The following PACSIN2 variants were observed in gnomAD, a reference collection of about 807,000 sequenced individuals.
PACSIN2 encodes protein kinase C and casein kinase substrate in neurons 2, also known as protein kinase C and casein kinase substrate in neurons protein 2.
PACSIN2 carries 25 observed loss-of-function variants against 63.8 expected under a neutral mutation model. The observed-to-expected ratio is 0.39, with a 90% CI of 0.29 to 0.55. The LOEUF (loss-of-function observed/expected upper bound fraction) is 0.55. Among genes scored for constraint, PACSIN2 ranks in the 20% least tolerant of loss-of-function variants. The probability of loss-of-function intolerance (pLI) is 0.62; values close to 1 mark genes in which losing one functional copy is unlikely to be tolerated. For missense variants in PACSIN2, 518 were observed against 646.9 expected (o/e 0.80, Z 2.16); for synonymous variants, 255 against 256.2 (o/e 1.00, Z 0.05).
chr22:42,883,809 T>G (rs1929255930), intron 6 of PACSIN2, among the ~76,000 whole-genome samples: 1 of 152,072 alleles, frequency 6.6e-6, no homozygotes, highest in African/African-American at 2.4e-5. Context: ...ATCGAGACCA[T>G]CCTGGACAAC....
chr22:42,960,802 A>G, intron 1 of PACSIN2, among the ~76,000 whole-genome samples: 1 of 152,214 alleles, frequency 6.6e-6, no homozygotes, highest in East Asian at 1.9e-4. Context: ...GTGAAAATTC[A>G]CTGATATGTA....
intron 1 of PACSIN2, among the ~76,000 whole-genome samples, chr22:42,919,048 C>T (rs758702217): frequency 3.9e-5 from 6 of 152,138 alleles, no homozygotes; most frequent in Non-Finnish European, 7.4e-5. Context: ...CCTGTGCACA[C>T]GTATGGGACA....
intron 1 of PACSIN2, among the ~76,000 whole-genome samples, chr22:43,000,804 C>T (rs887811647): frequency 2.0e-5 from 3 of 152,194 alleles, no homozygotes; most frequent in Non-Finnish European, 4.4e-5. Context: ...TATATCCTTT[C>T]ACTCAGTCTT....
intron 2 of PACSIN2, among the ~76,000 whole-genome samples, chr22:42,907,034 C>T (rs1449303183): frequency 6.6e-6 from 1 of 152,154 alleles, no homozygotes; most frequent in African/African-American, 2.4e-5. Context: ...GAAGGCTCTT[C>T]CTTTCCCAGA....
At chr22:42,990,848 A>G (rs1365716196) in intron 1 of PACSIN2, among the ~76,000 whole-genome samples, 1 of 152,194 alleles carries the variant, frequency 6.6e-6, no homozygotes, top group Non-Finnish European at 1.5e-5. Context: ...CTCAAGAGCT[A>G]ATGAAAAATG....
chr22:43,008,157 T>C (rs1415678347), intron 1 of PACSIN2, among the ~76,000 whole-genome samples: 1 of 152,248 alleles, frequency 6.6e-6, no homozygotes, highest in African/African-American at 2.4e-5. Flanking sequence ...ACATCAGAAG[T>C]ATTCTTTTAA....
intron 1 of PACSIN2, among the ~76,000 whole-genome samples, chr22:42,949,458 G>A (rs972870490): frequency 1.5e-5 from 2 of 135,316 alleles, no homozygotes; most frequent in Non-Finnish European, 2.9e-5. Context: ...ATACACACAC[G>A]CGCGCGCACG....
intron 1 of PACSIN2, among the ~76,000 whole-genome samples, chr22:42,914,120 T>C (rs1191118424): frequency 6.6e-6 from 1 of 152,216 alleles, no homozygotes; most frequent in African/African-American, 2.4e-5. Flanking sequence ...TGAGGGGTTC[T>C]CCCACACTGG....
intron 5 of PACSIN2, among the ~76,000 whole-genome samples, chr22:42,885,481 G>T (rs566943347): frequency 1.2e-4 from 19 of 152,228 alleles, no homozygotes; most frequent in African/African-American, 4.6e-4. Context: ...AAGCTTTGCT[G>T]TCCCTAACAA....
chr22:42,959,665 C>G (rs985761187), intron 1 of PACSIN2: 1 of 152,224 alleles, frequency 6.6e-6, no homozygotes, highest in African/African-American at 2.4e-5. Context: ...AGCTCTAAAA[C>G]TAGGTGCGCT....
intron 1 of PACSIN2, among the ~76,000 whole-genome samples, chr22:42,958,823 C>T (rs1247673924): frequency 1.3e-5 from 2 of 152,162 alleles, no homozygotes; most frequent in Admixed American, 1.3e-4. Context: ...TTTTTAATGG[C>T]AATCAGTAAT....
chr22:42,944,622 T>C (rs1392322881), intron 1 of PACSIN2, among the ~76,000 whole-genome samples: 3 of 152,182 alleles, frequency 2.0e-5, no homozygotes, highest in Non-Finnish European at 4.4e-5. Context: ...CTGCAATATT[T>C]ATAACAGCAA....
At chr22:43,003,028 T>G (rs1923862916) in intron 1 of PACSIN2, among the ~76,000 whole-genome samples, 1 of 152,226 alleles carries the variant, frequency 6.6e-6, no homozygotes, top group Non-Finnish European at 1.5e-5. Flanking sequence ...CTGATCTCAC[T>G]ACCTACAGCT....
At chr22:42,970,974 T>C (rs541944093) in intron 1 of PACSIN2, among the ~76,000 whole-genome samples, 1 of 152,286 alleles carries the variant, frequency 6.6e-6, no homozygotes, top group East Asian at 1.9e-4. Flanking sequence ...CAGCCCTCTC[T>C]GCTACAGCCT....
rs919195271 is a variant in PACSIN2 at position 42,890,792 on chromosome 22, T to C, written c.453+155A>G. The stretch of plus-strand genomic sequence containing the variant: ...CAACCTGGGTAAATGTCAACTACCA[T>C]GGGCTTCTAGCCTGAGGAGTGGCTT... On this transcript the variant is annotated intron_variant, in intron 4 of 10. Transcript: ENST00000263246. 23 of 614,410 alleles carry C rather than the reference T, an allele frequency of 3.7e-5. No individual in the cohort carries two copies. The African/African-American group carries it at 3.9e-4, about 10-fold the overall frequency. 38.1% of individuals were successfully genotyped at this position (614,410 alleles called of 1,614,324 possible). A position where few individuals can be genotyped will look rare whatever the true frequency, so the allele number is the denominator to read the frequency against.
chr22:42,930,505 C>T (rs1334837632), intron 1 of PACSIN2, among the ~76,000 whole-genome samples: 1 of 152,108 alleles, frequency 6.6e-6, no homozygotes, highest in Non-Finnish European at 1.5e-5. Context: ...CACGTTCACA[C>T]CACATAAACA....
intron 1 of PACSIN2, among the ~76,000 whole-genome samples, chr22:42,916,829 C>T (rs1931841926): frequency 2.0e-5 from 3 of 152,322 alleles, no homozygotes; most frequent in South Asian, 2.1e-4. Context: ...ACCTGGCATA[C>T]ATCTGACACC....
In PACSIN2 at chr22:42,894,458, G is replaced by T. The variant is rs148774758; in HGVS notation, c.61-845C>A. ...GGGTTTCACCATGTTGGCCAGGATG[G>T]TCTCAATCTCCTGACCTTGTGATCC... On this transcript the variant is annotated intron_variant, in intron 2 of 10. Coordinates refer to ENST00000263246, the MANE Select transcript of PACSIN2 (RefSeq NM_001184970.3). 1.5e-4 allele frequency among the ~76,000 whole-genome samples: 23 copies of T among 152,276 alleles called. No homozygotes were observed. The East Asian group carries it at 4.2e-3, about 28-fold the overall frequency.
chr22:42,884,363 G>T (rs750037671), intron 6 of PACSIN2, 23 bp downstream of exon 6: 14 of 1,602,468 alleles, frequency 8.7e-6, no homozygotes, highest in Non-Finnish European at 1.2e-5. Flanking sequence ...TGACGTGTGT[G>T]TTTTAGCTCA....
Sources: gnomAD v4.1 joint callset for allele counts (sites outside exome capture counted in the v4.1 genomes callset) on GRCh38, gnomAD v4.1.1 for gene constraint, MANE v1.5 for transcripts, NCBI Gene and HGNC (gene_info 2026-07-23, HGNC 2026-07-21) for gene names.